Variants in CSMD3 observed in about 807,000 individuals in gnomAD.
The protein encoded by CSMD3 is CUB and Sushi multiple domains 3, also known as CUB and sushi domain-containing protein 3.
In CSMD3, 177 loss-of-function variants were observed where a neutral mutation model predicts 435.2. That is an observed-to-expected ratio of 0.41 (90% CI 0.36 to 0.46). The LOEUF (loss-of-function observed/expected upper bound fraction) is 0.46, where lower values mean the gene tolerates loss of function less well. CSMD3 is among the 20% of genes least tolerant of loss of function. The pLI, the probability that CSMD3 is intolerant of heterozygous loss-of-function variation, is 0.34. For synonymous variants in CSMD3, 1,656 were observed against 1,520.5 expected (o/e 1.09, Z -2.07); for missense variants, 4,265 against 4,504.6 (o/e 0.95, Z 1.52).
At chr8:112,667,540 T>G (rs902679015) in intron 16 of CSMD3, among the ~76,000 whole-genome samples, 2 of 152,092 alleles carry the variant, frequency 1.3e-5, no homozygotes, top group Non-Finnish European at 2.9e-5. Flanking sequence ...GATTTTTTTT[T>G]CTTTTTAATT....
intron 5 of CSMD3, among the ~76,000 whole-genome samples, chr8:113,062,323 C>A (rs1243596432): frequency 6.6e-6 from 1 of 151,806 alleles, no homozygotes; most frequent in Non-Finnish European, 1.5e-5. Flanking sequence ...TGAATATGAA[C>A]TGCTCGGAAC....
intron 4 of CSMD3, among the ~76,000 whole-genome samples, chr8:113,132,861 T>TA (rs1427861680): frequency 6.6e-6 from 1 of 152,180 alleles, no homozygotes; most frequent in African/African-American, 2.4e-5. Context: ...ATGCCTTTGT[T>TA]ATGAACTGCA....
intron 1 of CSMD3, among the ~76,000 whole-genome samples, chr8:113,324,247 A>G (rs1375097387): frequency 6.6e-6 from 1 of 152,176 alleles, no homozygotes; most frequent in Non-Finnish European, 1.5e-5. Flanking sequence ...AATCCTCAAC[A>G]TAGTGGGGAA....
At chr8:112,862,777 G>A (rs1474789100) in intron 10 of CSMD3, among the ~76,000 whole-genome samples, 1 of 151,914 alleles carries the variant, frequency 6.6e-6, no homozygotes, top group Non-Finnish European at 1.5e-5. Context: ...ATATTAATTA[G>A]TTACAATATG....
At chr8:112,915,365 A>T (rs952175560) in intron 10 of CSMD3, among the ~76,000 whole-genome samples, 1 of 151,628 alleles carries the variant, frequency 6.6e-6, no homozygotes, top group Non-Finnish European at 1.5e-5. Context: ...TAAATTTCAA[A>T]TTTTTAGGCT....
intron 12 of CSMD3, among the ~76,000 whole-genome samples, chr8:112,813,154 A>G (rs1276949009): frequency 6.6e-6 from 1 of 152,184 alleles, no homozygotes; most frequent in Non-Finnish European, 1.5e-5. Flanking sequence ...AGAGACATGG[A>G]CCAAGAGAGA....
At chr8:112,787,086 G>A (rs2078563231) in intron 13 of CSMD3, among the ~76,000 whole-genome samples, 2 of 152,086 alleles carry the variant, frequency 1.3e-5, no homozygotes. Flanking sequence ...TGGCTGCATA[G>A]TATTCCATGG....
rs1257985325 is a variant in CSMD3, at chr8:112,846,242, G to C, written c.1755+12903C>G. Among the ~76,000 whole-genome samples, 4 of 149,992 alleles carry C rather than the reference G, an allele frequency of 2.7e-5. No individual in the cohort carries two copies. The East Asian group carries it at 7.9e-4, about 30-fold the overall frequency. On this transcript the variant is annotated intron_variant, in intron 11 of 70. Coordinates refer to ENST00000297405, the MANE Select transcript of CSMD3 (RefSeq NM_198123.2). ...AAAAAAGATAATTCTTTTTTAACAT[G>C]TTAAAAAAGAAATATTCTTTTTTCC...
chr8:113,059,391 G>A (rs2088499695), intron 5 of CSMD3, among the ~76,000 whole-genome samples: 2 of 152,016 alleles, frequency 1.3e-5, no homozygotes, highest in Admixed American at 1.3e-4. Flanking sequence ...GATAACAGCT[G>A]CCCTGAAATT....
In CSMD3 at chr8:112,829,801, CA is replaced by C. The variant is rs771207108; in HGVS notation, c.1756-13del. On this transcript the variant is annotated splice_polypyrimidine_tract_variant and intron_variant, in intron 11 of 70. Coordinates refer to ENST00000297405, the MANE Select transcript of CSMD3 (RefSeq NM_198123.2). ...TTTATCTGGATAACCTAGCAGTAAA[CA>C]GAAACATGCACCTTAAATATACTGC... 4 of 1,408,546 alleles carry C rather than the reference CA, an allele frequency of 2.8e-6. No individual in the cohort carries two copies. In the South Asian group the frequency reaches 4.6e-5, roughly 16 times the overall value. The allele number at this position is 1,408,546 out of a possible 1,614,324, so 87.3% of individuals were successfully genotyped here.
chr8:112,266,422 G>A (rs1055514519), intron 59 of CSMD3, among the ~76,000 whole-genome samples: 5 of 152,154 alleles, frequency 3.3e-5, no homozygotes, highest in African/African-American at 1.2e-4. Context: ...CAAGAAAGAA[G>A]GCAACAAGGC....
intron 36 of CSMD3, 53 bp from the exon 37 acceptor site, chr8:112,383,716 A>G (rs1259601396): frequency 9.4e-7 from 1 of 1,066,954 alleles, no homozygotes; most frequent in Non-Finnish European, 1.5e-6. Flanking sequence ...AGATACACAT[A>G]ACTATAGTCC....
intron 4 of CSMD3, among the ~76,000 whole-genome samples, chr8:113,165,140 C>G (rs1360320656): frequency 6.6e-6 from 1 of 152,082 alleles, no homozygotes; most frequent in Non-Finnish European, 1.5e-5. Context: ...CTGAAGCTGT[C>G]AATATATTCT....
chr8:112,249,915 C>T lies in CSMD3; in HGVS notation c.10111-2784G>A, dbSNP rs1348414968. Among the ~76,000 whole-genome samples the T allele has an allele frequency of 1.3e-5, 2 of 151,746 alleles. 1 individual carries two copies. The highest frequency in any genetic ancestry group is 4.1e-4 in the South Asian group (2 of 4,822). ...GTTAGAAATGTTAGCCTTTCTAGGCCGGAGACTGTGTGTACTCATCCTTGT... is the reference window on the plus strand; with the variant it reads ...GTTAGAAATGTTAGCCTTTCTAGGCTGGAGACTGTGTGTACTCATCCTTGT... On this transcript the variant is annotated intron_variant, in intron 63 of 70. Transcript: ENST00000297405.
intron 22 of CSMD3, among the ~76,000 whole-genome samples, chr8:112,612,433 G>A (rs530238332): frequency 6.6e-6 from 1 of 152,144 alleles, no homozygotes; most frequent in Admixed American, 6.6e-5. Flanking sequence ...AATGGTGTGG[G>A]ATTAAGAAAT....
chr8:113,202,204 CAT>C (rs535354851), intron 3 of CSMD3, among the ~76,000 whole-genome samples: 147 of 152,194 alleles, frequency 9.7e-4, no homozygotes, highest in African/African-American at 3.4e-3. Context: ...ATTAATTGCA[CAT>C]GTGTTTAATT....
chr8:112,285,304 T>C (rs1467450575), intron 58 of CSMD3, among the ~76,000 whole-genome samples: 1 of 152,116 alleles, frequency 6.6e-6, no homozygotes, highest in Non-Finnish European at 1.5e-5. Flanking sequence ...AGACCTTGAC[T>C]TTGGAAAATA....
chr8:112,340,874 A>G (rs1371810590), intron 42 of CSMD3, among the ~76,000 whole-genome samples: 7 of 152,116 alleles, frequency 4.6e-5, no homozygotes, highest in East Asian at 1.9e-4. Context: ...CCGAGGCCAC[A>G]TTAGATAGAA....
intron 27 of CSMD3, among the ~76,000 whole-genome samples, chr8:112,534,530 A>G (rs1825864845): frequency 6.6e-6 from 1 of 152,244 alleles, no homozygotes; most frequent in Non-Finnish European, 1.5e-5. Context: ...AAATTGTGGC[A>G]AAAATCAATA....
Sources: gnomAD v4.1 joint callset for allele counts (sites outside exome capture counted in the v4.1 genomes callset) on GRCh38, gnomAD v4.1.1 for gene constraint, MANE v1.5 for transcripts, NCBI Gene and HGNC (gene_info 2026-07-23, HGNC 2026-07-21) for gene names.